PI4KA: variants seen among roughly 807,000 people sequenced by gnomAD.
The protein encoded by PI4KA is PI4-kinase alpha.
In PI4KA, 122 loss-of-function variants were observed where a neutral mutation model predicts 271.4. The observed-to-expected ratio is 0.45, with a 90% confidence interval of 0.39 to 0.52. The LOEUF is 0.52. Ranked by LOEUF, PI4KA falls within the 20% of genes least tolerant of loss-of-function variation. The pLI is 0.00. For synonymous variants in PI4KA, 1,041 were observed against 1,078.8 expected (o/e 0.96, Z 0.69); for missense variants, 1,969 against 2,769.1 (o/e 0.71, Z 6.48).
rs774192624 is a variant in PI4KA at position 20,820,646 on chromosome 22, TAAAC to T, written c.457-39_457-36del. The T allele has an allele frequency of 3.6e-6, 5 of 1,393,574 alleles. 1 individual carries two copies. Among genetic ancestry groups the T allele is most frequent in the African/African-American group, 1.5e-5 (1 of 68,764 alleles). The allele number at this position is 1,393,574 out of a possible 1,614,324, so 86.3% of individuals were successfully genotyped here. On this transcript the variant is annotated intron_variant, in intron 4 of 54. Transcript: ENST00000255882. ...TCAAGGAAACAAGAAAAAAAAAACA[TAAAC>T]AAAATTAGGTAAATATCACGAAACT...
In PI4KA at chr22:20,752,935, C is replaced by T. The variant is rs373826980; in HGVS notation, c.2955G>A (p.Val985=). Residue 985 remains valine, a synonymous_variant, in exon 25 of 55, where the codon GTG becomes GTA. Transcript: ENST00000255882. The stretch of plus-strand genomic sequence containing the variant: ...CCAGACCAGATAGATACTTGTCTGC[C>T]ACCCTCCTTATCCTCTTGTGGATGT... ...FNHIHKRIRR[V]ADKYLSGLVD... 3.3e-5 allele frequency: 53 copies of T among 1,614,030 alleles called. No homozygotes were observed. The Middle Eastern group carries it at 1.8e-3, about 55-fold the overall frequency.
chr22:20,743,547 C>T (rs568640600), intron 30 of PI4KA, among the ~76,000 whole-genome samples: 7 of 152,174 alleles, frequency 4.6e-5, no homozygotes, highest in Non-Finnish European at 1.0e-4. Flanking sequence ...CCTCGAACTC[C>T]TGGGCTCAGG....
intron 18 of PI4KA, 64 bp from the exon 19 acceptor site, chr22:20,793,307 AC>A: frequency 1.2e-6 from 1 of 867,564 alleles, no homozygotes; most frequent in Non-Finnish European, 1.9e-6. Context: ...AAAAAAAAAC[AC>A]AAGATACAAC....
chr22:20,820,010 A>C, intron 5 of PI4KA, 110 bp from the exon 6 acceptor site: 2 of 954,616 alleles, frequency 2.1e-6, no homozygotes, highest in Non-Finnish European at 3.2e-6. Flanking sequence ...CCCACTAATA[A>C]CTGTGAAGGT....
At chr22:20,813,672 T>C (rs558276576) in intron 7 of PI4KA, among the ~76,000 whole-genome samples, 166 bp from the exon 8 acceptor site, 10 of 152,332 alleles carry the variant, frequency 6.6e-5, no homozygotes, top group East Asian at 3.9e-4. Flanking sequence ...TTGCAAATCC[T>C]TGGGGACTGA....
chr22:20,711,508 G>C lies in PI4KA; in HGVS notation c.5803-47C>G, dbSNP rs549457612. 1.4e-4 allele frequency: 159 copies of C among 1,130,628 alleles called. 1 individual carries two copies. The African/African-American group carries it at 2.5e-3, about 18-fold the overall frequency. The allele number at this position is 1,130,628 out of a possible 1,614,324, so 70.0% of individuals were successfully genotyped here. A position where few individuals can be genotyped will look rare whatever the true frequency, so the allele number is the denominator to read the frequency against. ...CTCAAAAAGGCCCTGGGGCCTGTGG[G>C]CATTCTCCCTGGTCCCACACCCAGG... is the stretch of plus-strand genomic sequence containing the variant. On this transcript the variant is annotated intron_variant, in intron 50 of 54. Coordinates refer to ENST00000255882, the MANE Select transcript of PI4KA (RefSeq NM_058004.4).
Position 20,819,845 on chromosome 22 carries a change from C to T in PI4KA, c.585G>A (p.Gly195=), listed in dbSNP as rs1922383639. ...GAGACTCTTCCATGTTGCTGTAACG[C>T]CCAAATGCTCGCGAGATTCCTATCA... ...PCLIGISRAF[G]RYSNMEESLL... Residue 195 remains glycine (G), a synonymous_variant, in exon 6 of 55, where the codon GGG becomes GGA. Transcript: ENST00000255882. The T allele has an allele frequency of 1.2e-6, 2 of 1,613,856 alleles. No individual in the cohort carries two copies. Among genetic ancestry groups the T allele is most frequent in the Non-Finnish European group, 1.7e-6 (2 of 1,179,832 alleles).
At chr22:20,766,302 G>A (rs1431727083) in intron 19 of PI4KA, among the ~76,000 whole-genome samples, 4 of 152,116 alleles carry the variant, frequency 2.6e-5, no homozygotes, top group African/African-American at 7.2e-5. Flanking sequence ...GCAGGTGAGG[G>A]GCTATTGTCC....
At chr22:20,780,211 A>AC (rs771599886) in intron 19 of PI4KA, 1 of 1,614,230 alleles carries the variant, frequency 6.2e-7, no homozygotes, top group Non-Finnish European at 8.5e-7. Context: ...GGTAAGAGGC[A>AC]CCTTTACAGT....
At chr22:20,806,305 G>GA (rs1361702889) in intron 10 of PI4KA, among the ~76,000 whole-genome samples, 1 of 152,126 alleles carries the variant, frequency 6.6e-6, no homozygotes, top group Non-Finnish European at 1.5e-5. Context: ...TCACTTCTGG[G>GA]AAAAACAAAA....
intron 19 of PI4KA, among the ~76,000 whole-genome samples, chr22:20,768,959 C>T (rs165848): frequency 0.5 from 75,387 of 151,960 alleles, 19,285 homozygotes; most frequent in African/African-American, 0.6. Context: ...TCTGAAGTGA[C>T]CGGCCTCCCA....
chr22:20,820,742 A>C, intron 4 of PI4KA, 131 bp from the exon 5 acceptor site: 1 of 647,752 alleles, frequency 1.5e-6, no homozygotes, highest in Non-Finnish European at 2.7e-6. Flanking sequence ...ATCCCTCCAC[A>C]ACGACTGTGC....
intron 36 of PI4KA, among the ~76,000 whole-genome samples, chr22:20,730,864 C>T (rs970840013): frequency 6.6e-6 from 1 of 152,020 alleles, no homozygotes; most frequent in Non-Finnish European, 1.5e-5. Flanking sequence ...GTCACTACAC[C>T]TGGACTTCTT....
At chr22:20,784,430 A>T (rs565688410) in intron 19 of PI4KA, among the ~76,000 whole-genome samples, 7 of 152,202 alleles carry the variant, frequency 4.6e-5, no homozygotes. Context: ...ATTAGAGAGC[A>T]TTCATAAGGG....
chr22:20,713,899 G>A (rs1453292246), intron 47 of PI4KA, among the ~76,000 whole-genome samples: 1 of 152,236 alleles, frequency 6.6e-6, no homozygotes, highest in Non-Finnish European at 1.5e-5. Flanking sequence ...TGGAAACAGG[G>A]TCTTTGCAGA....
chr22:20,778,257 T>C lies in PI4KA; in HGVS notation c.2329-12564A>G, dbSNP rs1045036140. Among the ~76,000 whole-genome samples the C allele has an allele frequency of 5.9e-5, 9 of 152,096 alleles. No homozygotes were observed. The East Asian group carries it at 7.7e-4, about 13-fold the overall frequency. ...GGCTTATGCCTGTAATCCCAGCACT[T>C]TGGGGGGCTGAGGTGGGTGGATCAC... is the stretch of plus-strand genomic sequence containing the variant. On this transcript the variant is annotated intron_variant, in intron 19 of 54. Transcript: ENST00000255882.
chr22:20,803,048 T>C (rs1307120832), intron 13 of PI4KA, 143 bp downstream of exon 13: 2 of 793,232 alleles, frequency 2.5e-6, no homozygotes, highest in African/African-American at 1.7e-5. Context: ...GGCCTGGAGC[T>C]TGGAGGGGAC....
At chr22:20,807,556 C>A in intron 9 of PI4KA, 98 bp from the exon 10 acceptor site, 2 of 677,864 alleles carry the variant, frequency 3.0e-6, no homozygotes, top group Non-Finnish European at 2.7e-6. Flanking sequence ...TGATTCGTGA[C>A]TTAGCATTCT....
At chr22:20,746,334 T>C (rs1036008743) in intron 29 of PI4KA, among the ~76,000 whole-genome samples, 8 of 152,144 alleles carry the variant, frequency 5.3e-5, no homozygotes, top group South Asian at 2.1e-4. Flanking sequence ...AGTGCTGGGA[T>C]TACAGGCATG....
Sources: allele counts gnomAD v4.1 joint callset (sites outside exome capture counted in the v4.1 genomes callset), GRCh38; gene constraint gnomAD v4.1.1; transcripts MANE v1.5; gene names NCBI Gene and HGNC (gene_info 2026-07-23, HGNC 2026-07-21).